Variants in NFATC1 observed in about 807,000 individuals in gnomAD.
NFATC1 encodes nuclear factor of activated T-cells, cytoplasmic 1.
In NFATC1, 22 loss-of-function variants were observed where a neutral mutation model predicts 76.0. The ratio of observed to expected loss-of-function variants is 0.29; its 90% CI spans 0.21 to 0.41. NFATC1 has a LOEUF of 0.41. NFATC1 is among the 10% of genes least tolerant of loss of function. The pLI is 1.00. For synonymous variants in NFATC1, 704 were observed against 613.1 expected (o/e 1.15, Z -2.19); for missense variants, 1,357 against 1,337.7 (o/e 1.01, Z -0.23).
At position 79,433,715 on chromosome 18, in the gene NFATC1, G is replaced by A. The variant is rs1385783700; in HGVS notation, c.1363G>A (p.Ala455Thr). ...CAGCCGGGGGGCCGTGAAGGCGTCG[G>A]CCGGAGGACACCCCATCGTGCAGGT... ...EGSRGAVKAS[A>T]GGHPIVQLHG... The change falls in exon 3 of 10, where the codon GCC becomes ACC. Residue 455 changes from alanine (A) to threonine (T), a missense_variant. Ala to Thr is a moderately conservative substitution (Grantham distance 58, BLOSUM62 0). Coordinates refer to ENST00000427363, the MANE Select transcript of NFATC1 (RefSeq NM_001278669.2). The A allele has an allele frequency of 6.2e-7, 1 of 1,612,888 alleles. No individual in the cohort carries two copies. Among genetic ancestry groups the A allele is most frequent in the South Asian group, 1.1e-5 (1 of 91,058 alleles).
chr18:79,455,162 TCA>T (rs1406278051), intron 6 of NFATC1, among the ~76,000 whole-genome samples: 3 of 152,214 alleles, frequency 2.0e-5, no homozygotes, highest in Non-Finnish European at 4.4e-5. Flanking sequence ...TTTTCTTAAG[TCA>T]CGCGTCTGTT....
Position 79,527,640 on chromosome 18 carries a change from A to G in NFATC1, c.*63A>G. On this transcript the variant is annotated 3_prime_UTR_variant, in exon 10 of 10. Coordinates refer to ENST00000427363, the MANE Select transcript of NFATC1 (RefSeq NM_001278669.2). Reference sequence around the variant, plus strand: ...TGACTTCAGCAGACAAAGACTTTTGAATAAATAAACTGAACTCACACCTGG... The same window carrying G: ...TGACTTCAGCAGACAAAGACTTTTGGATAAATAAACTGAACTCACACCTGG... 3 of 1,483,080 alleles carry G rather than the reference A, an allele frequency of 2.0e-6. No homozygotes were observed. Among genetic ancestry groups the G allele is most frequent in the Non-Finnish European group, 2.8e-6 (3 of 1,063,378 alleles). The allele number at this position is 1,483,080 out of a possible 1,614,324, so 91.9% of individuals were successfully genotyped here.
chr18:79,425,929 T>C (rs562518986), intron 2 of NFATC1, among the ~76,000 whole-genome samples: 15 of 152,220 alleles, frequency 9.9e-5, no homozygotes, highest in Non-Finnish European at 2.9e-5. Context: ...AAATGAGTCC[T>C]GCACCAGCGT....
At chr18:79,482,657 T>C (rs1406692011) in intron 8 of NFATC1, among the ~76,000 whole-genome samples, 6 of 132,338 alleles carry the variant, frequency 4.5e-5, no homozygotes, top group Non-Finnish European at 6.7e-5. Context: ...TGGGGTGTAA[T>C]TCCAGCGTGA....
In NFATC1 at chr18:79,410,427, A is replaced by G; in HGVS notation, c.152A>G (p.Asn51Ser). The change falls in exon 2 of 10, where the codon AAC becomes AGC. Residue 51 changes from asparagine to serine, a missense_variant. Physicochemically the swap from Asn to Ser is conservative, Grantham distance 46. Transcript: ENST00000427363. This position sits in a 1 kb window ranked among gnomAD's most constrained non-coding sequence, Gnocchi z 6.7. ...GAACACTATGGCTATGCATCCTCCA[A>G]CGTCAGCCCCGCCCTGCCGCTCCCC... ...EEEHYGYASSNVSPALPLPTA... is the reference protein window; with the variant it reads ...EEEHYGYASSSVSPALPLPTA... The G allele has an allele frequency of 6.2e-7, 1 of 1,610,814 alleles. No individual in the cohort carries two copies. The highest frequency in any genetic ancestry group is 8.5e-7 in the Non-Finnish European group (1 of 1,179,280).
At chr18:79,481,589 C>T (rs980949850) in intron 8 of NFATC1, among the ~76,000 whole-genome samples, 5 of 152,232 alleles carry the variant, frequency 3.3e-5, no homozygotes, top group African/African-American at 1.2e-4. Flanking sequence ...AAGGCAGAGT[C>T]CTCCTCCCAG....
chr18:79,425,242 TC>T, intron 2 of NFATC1, among the ~76,000 whole-genome samples: 1 of 150,904 alleles, frequency 6.6e-6, no homozygotes, highest in Admixed American at 6.6e-5. Flanking sequence ...CCTGTCTCTG[TC>T]TCTCTGTTTC....
At chr18:79,440,915 T>G (rs914387953) in intron 3 of NFATC1, among the ~76,000 whole-genome samples, 4 of 152,162 alleles carry the variant, frequency 2.6e-5, no homozygotes, top group African/African-American at 7.2e-5. Flanking sequence ...AGGCCAGACG[T>G]GGGAGTGGCG....
chr18:79,459,130 A>C (rs930734117), intron 6 of NFATC1, among the ~76,000 whole-genome samples: 5 of 152,210 alleles, frequency 3.3e-5, no homozygotes, highest in African/African-American at 7.2e-5. Flanking sequence ...TTTTAGGGGA[A>C]GTCTAAGCGT....
intron 6 of NFATC1, among the ~76,000 whole-genome samples, chr18:79,460,647 A>G (rs2088017200): frequency 6.6e-6 from 1 of 152,248 alleles, no homozygotes; most frequent in South Asian, 2.1e-4. Context: ...CTGATGGGCA[A>G]GAAGTTGTCA....
At chr18:79,480,838 T>C (rs563377345) in intron 8 of NFATC1, among the ~76,000 whole-genome samples, 1 of 152,214 alleles carries the variant, frequency 6.6e-6, no homozygotes, top group African/African-American at 2.4e-5. Flanking sequence ...AGAGGCGCAC[T>C]GGCCCCCATG....
intron 3 of NFATC1, among the ~76,000 whole-genome samples, chr18:79,440,967 C>T (rs866574236): frequency 6.6e-6 from 1 of 152,198 alleles, no homozygotes. Context: ...GGGCTGGGCT[C>T]GTGTCCGTGG....
At chr18:79,425,059 CTCTCTGTTTCTCTCTCTGTCTCTCCA>C (rs1319077228) in intron 2 of NFATC1, among the ~76,000 whole-genome samples, 5 of 73,706 alleles carry the variant, frequency 6.8e-5, no homozygotes, top group East Asian at 4.8e-4. Context: ...CTCTGTTTCT[CTCTCTGTTTCTCTCTCTGTCTCTCCA>C]TCTCTGTCTC....
chr18:79,469,241 G>A, intron 8 of NFATC1: 3 of 743,200 alleles, frequency 4.0e-6, no homozygotes, highest in Non-Finnish European at 3.3e-6. Flanking sequence ...ACCAGAAATT[G>A]AATGTTTTAA....
At chr18:79,482,759 C>T (rs1334779270) in intron 8 of NFATC1, among the ~76,000 whole-genome samples, 1 of 88,122 alleles carries the variant, frequency 1.1e-5, no homozygotes, top group Admixed American at 1.3e-4. Context: ...AGCGTGACCT[C>T]GTTCCTGGGG....
Position 79,486,614 on chromosome 18 carries a change from C to A in NFATC1, c.2459C>A (p.Ala820Asp), listed in dbSNP as rs746815318. 6.3e-7 allele frequency: 1 copy of A among 1,597,112 alleles called. No individual in the cohort carries two copies. The highest frequency in any genetic ancestry group is 8.5e-7 in the Non-Finnish European group (1 of 1,175,622). ...HPGSPGQPPP[A>D]LLPQQVSAPP... ...GGCTCGCCCGGGCAGCCACCCCCGGCCCTGCTGCCACAGCAGGTGAGTGCG... is the reference window on the plus strand; with the variant it reads ...GGCTCGCCCGGGCAGCCACCCCCGGACCTGCTGCCACAGCAGGTGAGTGCG... The change falls in exon 9 of 10, where the codon GCC becomes GAC. Residue 820 changes from alanine (A) to aspartate (D), a missense_variant. Ala to Asp is a moderately radical substitution (Grantham distance 126, BLOSUM62 -2). This residue lies in a region of NFATC1 where 424 missense variants were observed against 395.4 expected (regional missense o/e 1.07). Transcript: ENST00000427363.
chr18:79,451,610 G>T, intron 5 of NFATC1, 66 bp from the exon 6 acceptor site: 1 of 1,433,128 alleles, frequency 7.0e-7, no homozygotes, highest in Admixed American at 2.6e-5. Flanking sequence ...CCTGCTGGGT[G>T]CCACACGTGT....
intron 2 of NFATC1, among the ~76,000 whole-genome samples, chr18:79,416,693 A>G (rs1568933853): frequency 1.3e-5 from 2 of 152,214 alleles, no homozygotes; most frequent in African/African-American, 4.8e-5. Context: ...GGAACGGCTC[A>G]GGACTGACTG....
intron 9 of NFATC1, among the ~76,000 whole-genome samples, chr18:79,521,296 T>TGG (rs1219440272): frequency 3.5e-5 from 1 of 28,894 alleles, no homozygotes; most frequent in African/African-American, 1.5e-4. Context: ...TCTGTGTGTG[T>TGG]GGGGGGGGGC....
Sources: allele counts gnomAD v4.1 joint callset (sites outside exome capture counted in the v4.1 genomes callset), GRCh38; gene constraint gnomAD v4.1.1; regional missense constraint gnomAD v4.1.1; non-coding constraint Gnocchi (gnomAD v3.1); transcripts MANE v1.5; gene names NCBI Gene and HGNC (gene_info 2026-07-23, HGNC 2026-07-21).